PPEF1: variants seen among roughly 807,000 people sequenced by gnomAD.
PPEF1 encodes the protein serine/threonine-protein phosphatase with EF-hands 1.
A neutral mutation model predicts 53.3 loss-of-function variants in PPEF1; 12 were observed. That is an observed-to-expected ratio of 0.23 (90% CI 0.14 to 0.36). PPEF1 has a LOEUF of 0.36. Ranked by LOEUF, PPEF1 falls within the 10% of genes least tolerant of loss-of-function variation. The pLI is 1.00. For synonymous variants in PPEF1, 165 were observed against 176.7 expected, an observed-to-expected ratio of 0.93 and a Z score of 0.52; for missense variants, 334 against 490.4, an observed-to-expected ratio of 0.68 and a Z score of 3.01.
At chrX:18,684,860 C>G (rs1233302832) in intron 2 of PPEF1, among the ~76,000 whole-genome samples, 1 of 111,813 alleles carries the variant, frequency 8.9e-6, no homozygotes. Context: ...CTCCTGACAT[C>G]AGGTGATCTG....
chrX:18,789,306 C>A, intron 10 of PPEF1, 33 bp downstream of exon 10: 1 of 1,174,757 alleles, frequency 8.5e-7, no homozygotes, highest in Non-Finnish European at 1.2e-6. Flanking sequence ...GCAGTGGCAA[C>A]AATGACACTA....
intron 6 of PPEF1, among the ~76,000 whole-genome samples, chrX:18,778,043 C>T (rs924951261): frequency 4.5e-5 from 5 of 111,240 alleles, no homozygotes; most frequent in Admixed American, 9.6e-5. Context: ...CCATGCCTGG[C>T]GAAGGTAACC....
intron 1 of PPEF1, among the ~76,000 whole-genome samples, chrX:18,714,417 G>A (rs1403057525): frequency 2.7e-5 from 3 of 110,098 alleles, no homozygotes; most frequent in African/African-American, 9.9e-5. Flanking sequence ...GATTACAGGC[G>A]CCCACCACTA....
Position 18,734,756 on chromosome X carries a change from C to G in PPEF1, c.235+948C>G, listed in dbSNP as rs766010143. Among the ~76,000 whole-genome samples the G allele has an allele frequency of 1.7e-3, 189 of 111,484 alleles. 1 individual carries two copies. The highest frequency in any genetic ancestry group is 5.6e-3 in the African/African-American group (172 of 30,705). On this transcript the variant is annotated intron_variant, in intron 3 of 15. Coordinates refer to ENST00000470157, the MANE Select transcript of PPEF1 (RefSeq NM_001377996.1). ...TTACAGTCCCACCAACAGTGTAAAA[C>G]TGTTCCTATTTCTCCACATCCTCTC...
At chrX:18,767,095 T>C (rs904601116) in intron 6 of PPEF1, among the ~76,000 whole-genome samples, 2 of 111,363 alleles carry the variant, frequency 1.8e-5, no homozygotes, top group Non-Finnish European at 3.8e-5. Context: ...GACAGAACTA[T>C]AAAAATGAGA....
intron 9 of PPEF1, among the ~76,000 whole-genome samples, chrX:18,784,317 T>C (rs762384454): frequency 8.9e-6 from 1 of 111,843 alleles, no homozygotes; most frequent in Non-Finnish European, 1.9e-5. Flanking sequence ...TTTATGTAGT[T>C]TCTAAAAGTG....
chrX:18,764,069 C>A (rs769775226), intron 6 of PPEF1, among the ~76,000 whole-genome samples: 2 of 111,498 alleles, frequency 1.8e-5, no homozygotes, highest in African/African-American at 3.3e-5. Flanking sequence ...GGAATGCTGA[C>A]CGACTGTGTC....
chrX:18,685,144 A>G (rs950149929), intron 2 of PPEF1, among the ~76,000 whole-genome samples: 3 of 112,390 alleles, frequency 2.7e-5, no homozygotes, highest in African/African-American at 9.7e-5. Flanking sequence ...TGGGCACGCA[A>G]TAAGACTTGC....
intron 4 of PPEF1, among the ~76,000 whole-genome samples, chrX:18,697,525 A>C (rs1164826730): frequency 9.1e-6 from 1 of 110,130 alleles, no homozygotes; most frequent in Non-Finnish European, 1.9e-5. Flanking sequence ...CCCGTGCATC[A>C]CTTCTAGGAA....
chrX:18,736,845 G>C (rs2044995075), intron 3 of PPEF1, among the ~76,000 whole-genome samples: 1 of 111,702 alleles, frequency 9.0e-6, no homozygotes, highest in Admixed American at 9.5e-5. Context: ...ACTTCTTCCT[G>C]GTTTAGTCTT....
intron 5 of PPEF1, 141 bp from the exon 6 acceptor site, chrX:18,761,389 T>A (rs1312652063): frequency 7.8e-6 from 4 of 514,627 alleles, no homozygotes; most frequent in African/African-American, 2.3e-5. Flanking sequence ...TGGAGACAAA[T>A]TGCCTGTCAA....
intron 6 of PPEF1, among the ~76,000 whole-genome samples, chrX:18,772,925 T>C (rs772633146): frequency 8.8e-6 from 1 of 113,129 alleles, no homozygotes; most frequent in East Asian, 2.8e-4. Flanking sequence ...CTGATTCTTC[T>C]TGTGACAGAG....
intron 6 of PPEF1, among the ~76,000 whole-genome samples, chrX:18,765,189 A>G (rs1428122302): frequency 9.0e-6 from 1 of 111,712 alleles, no homozygotes; most frequent in Non-Finnish European, 1.9e-5. Context: ...ATGTCTGGAA[A>G]ACAGAAGTGT....
intron 6 of PPEF1, among the ~76,000 whole-genome samples, chrX:18,776,243 G>GGTTT (rs1242888820): frequency 9.1e-6 from 1 of 110,107 alleles, no homozygotes; most frequent in Non-Finnish European, 1.9e-5. Context: ...TTGGTTGGTT[G>GGTTT]GTTTGTTTTA....
chrX:18,791,875 A>G (rs73191556), intron 10 of PPEF1, among the ~76,000 whole-genome samples: 1 of 111,774 alleles, frequency 8.9e-6, no homozygotes, highest in Non-Finnish European at 1.9e-5. Context: ...TAGTTTATTG[A>G]GTGTTTTTAT....
upstream of PPEF1, among the ~76,000 whole-genome samples, chrX:18,678,442 C>T (rs1928759913): frequency 9.0e-6 from 1 of 111,022 alleles, no homozygotes; most frequent in Non-Finnish European, 1.9e-5. Flanking sequence ...GTCTCAAAAA[C>T]GAAAACAAAA....
chrX:18,718,130 A>C (rs2044500903), intron 1 of PPEF1, among the ~76,000 whole-genome samples: 1 of 112,151 alleles, frequency 8.9e-6, no homozygotes. Context: ...AACCCATCCC[A>C]ACAACCTTTT....
At chrX:18,801,067 A>G (rs2046536608) in intron 10 of PPEF1, among the ~76,000 whole-genome samples, 1 of 112,136 alleles carries the variant, frequency 8.9e-6, no homozygotes, top group Admixed American at 9.5e-5. Flanking sequence ...TGAAAATGCA[A>G]GTGTTATTTT....
chrX:18,725,009 A>G (rs1003098324), intron 1 of PPEF1, among the ~76,000 whole-genome samples: 17 of 111,056 alleles, frequency 1.5e-4, no homozygotes, highest in Non-Finnish European at 1.7e-4. Context: ...ATGTATGCCC[A>G]AGGGACAACA....
Sources: allele counts gnomAD v4.1 joint callset (sites outside exome capture counted in the v4.1 genomes callset), GRCh38; gene constraint gnomAD v4.1.1; transcripts MANE v1.5; gene names NCBI Gene and HGNC (gene_info 2026-07-23, HGNC 2026-07-21).